Variants in CELF2 observed in about 807,000 individuals in gnomAD.
CELF2 encodes CUGBP Elav-like family member 2.
CELF2 carries 8 observed loss-of-function variants against 62.6 expected under a neutral mutation model. The observed-to-expected ratio is 0.13, with a 90% CI of 0.07 to 0.23. The LOEUF (loss-of-function observed/expected upper bound fraction) is 0.23, where lower values mean the gene tolerates loss of function less well. Ranked by LOEUF, CELF2 falls within the 10% of genes least tolerant of loss-of-function variation. CELF2 has a pLI of 1.00. For missense variants in CELF2, 333 were observed against 671.0 expected (o/e 0.50, Z 5.56); for synonymous variants, 258 against 250.0 (o/e 1.03, Z -0.30).
chr10:10,528,338 G>A, the CELF2 span, among the ~76,000 whole-genome samples: 2 of 152,200 alleles, frequency 1.3e-5, no homozygotes, highest in African/African-American at 4.8e-5. Flanking sequence ...GGATCCTGGA[G>A]CTGCAGACAC....
chr10:11,216,871 G>A (rs4750029), intron 2 of CELF2, among the ~76,000 whole-genome samples: 101,484 of 152,160 alleles, frequency 0.67, 37,259 homozygotes, highest in Non-Finnish European at 0.84. Flanking sequence ...ACAGTCTTCC[G>A]TATTGGCAAA....
chr10:10,508,700 GTGTGTA>G, the CELF2 span, among the ~76,000 whole-genome samples: 1 of 33,934 alleles, frequency 2.9e-5, no homozygotes, highest in Non-Finnish European at 7.0e-5. Context: ...GTGTGTGTGT[GTGTGTA>G]TATTTTTTTT....
At chr10:10,678,169 A>G in the CELF2 span, among the ~76,000 whole-genome samples, 3 of 152,120 alleles carry the variant, frequency 2.0e-5, no homozygotes, top group African/African-American at 7.2e-5. Context: ...TTTATAGGAG[A>G]TACTTATGGA....
intron 1 of CELF2, among the ~76,000 whole-genome samples, chr10:10,904,073 G>A (rs925285468): frequency 3.3e-5 from 5 of 152,234 alleles, no homozygotes; most frequent in South Asian, 2.1e-4. Context: ...TTCCAGGACC[G>A]TTGCCATCCA....
chr10:10,696,904 C>T, the CELF2 span, among the ~76,000 whole-genome samples: 2 of 152,192 alleles, frequency 1.3e-5, no homozygotes, highest in African/African-American at 4.8e-5. Flanking sequence ...GTGAGATGAA[C>T]CCGGTACCTC....
chr10:10,835,868 G>A (rs547476055), intron 1 of CELF2, among the ~76,000 whole-genome samples: 13 of 152,282 alleles, frequency 8.5e-5, no homozygotes, highest in African/African-American at 2.4e-4. Context: ...GGTGGGGTGC[G>A]GGGGCAGTGA....
intron 1 of CELF2, among the ~76,000 whole-genome samples, chr10:11,023,089 CG>C (rs1478206692): frequency 2.0e-5 from 3 of 152,194 alleles, no homozygotes; most frequent in Admixed American, 6.5e-5. Context: ...TGTTTCTTCA[CG>C]GGAGGGTCAC....
chr10:10,879,778 C>T (rs2061337362), intron 1 of CELF2, among the ~76,000 whole-genome samples: 1 of 152,212 alleles, frequency 6.6e-6, no homozygotes, highest in Non-Finnish European at 1.5e-5. Context: ...TAATCCTTCT[C>T]TTCCTTGGGT....
chr10:11,240,270 T>C (rs1252596363), intron 3 of CELF2, among the ~76,000 whole-genome samples: 2 of 152,226 alleles, frequency 1.3e-5, no homozygotes, highest in South Asian at 2.1e-4. Flanking sequence ...AGCCACATAG[T>C]AGGGCCTTTT....
chr10:10,684,705 C>T, the CELF2 span, among the ~76,000 whole-genome samples: 8 of 152,268 alleles, frequency 5.3e-5, no homozygotes, highest in African/African-American at 1.4e-4. Flanking sequence ...GATTACATGA[C>T]TGTGCTCCAG....
the CELF2 span, among the ~76,000 whole-genome samples, chr10:10,674,136 T>G: frequency 6.6e-6 from 1 of 152,234 alleles, no homozygotes; most frequent in Non-Finnish European, 1.5e-5. Flanking sequence ...AGTCTTTAAC[T>G]ATAATCATGG....
At chr10:10,636,234 T>C in the CELF2 span, among the ~76,000 whole-genome samples, 24 of 152,216 alleles carry the variant, frequency 1.6e-4, no homozygotes, top group Admixed American at 1.4e-3. Flanking sequence ...GCTACTTCCT[T>C]TGACTTACTT....
upstream of CELF2, chr10:11,005,186 C>T (rs1462464999): frequency 5.6e-6 from 8 of 1,436,704 alleles, no homozygotes; most frequent in Non-Finnish European, 6.4e-6. This position sits in a 1 kb window ranked among gnomAD's most constrained non-coding sequence, Gnocchi z 4.3. Flanking sequence ...CTTAGTGAAT[C>T]TGCAGGAGCC....
At chr10:11,303,551 G>C (rs530712787) in intron 9 of CELF2, among the ~76,000 whole-genome samples, 14 of 152,342 alleles carry the variant, frequency 9.2e-5, no homozygotes, top group Admixed American at 3.3e-4. Flanking sequence ...CTGTGCATCA[G>C]ACATCAGTGC....
At chr10:11,307,164 G>A (rs1253480692) in intron 9 of CELF2, among the ~76,000 whole-genome samples, 5 of 152,254 alleles carry the variant, frequency 3.3e-5, no homozygotes, top group Non-Finnish European at 7.3e-5. Context: ...AGCCAGGCCT[G>A]GTGTCCTCCA....
At chr10:10,847,431 A>G (rs530752222) in intron 1 of CELF2, among the ~76,000 whole-genome samples, 3 of 152,306 alleles carry the variant, frequency 2.0e-5, no homozygotes, top group East Asian at 1.9e-4. Flanking sequence ...ATTTAAATGT[A>G]AAGTCTGGGT....
chr10:10,551,717 C>T, the CELF2 span, among the ~76,000 whole-genome samples: 2 of 152,058 alleles, frequency 1.3e-5, no homozygotes, highest in African/African-American at 2.4e-5. Context: ...CAGGGCTCCC[C>T]GACAACTGTA....
intron 2 of CELF2, among the ~76,000 whole-genome samples, chr10:10,996,371 C>T (rs558221471): frequency 6.6e-6 from 1 of 152,310 alleles, no homozygotes; most frequent in African/African-American, 2.4e-5. Flanking sequence ...GGGCAAGGAG[C>T]TGAAGGTTTG....
intron 1 of CELF2, among the ~76,000 whole-genome samples, chr10:11,140,108 GT>G (rs775322063): frequency 5.2e-4 from 79 of 152,276 alleles, no homozygotes; most frequent in Non-Finnish European, 9.3e-4. Flanking sequence ...TGCTCAATCA[GT>G]TAGTCAGAAG....
Sources: allele counts gnomAD v4.1 joint callset (sites outside exome capture counted in the v4.1 genomes callset), GRCh38; gene constraint gnomAD v4.1.1; non-coding constraint Gnocchi (gnomAD v3.1); transcripts MANE v1.5; gene names NCBI Gene and HGNC (gene_info 2026-07-23, HGNC 2026-07-21).